SLC8A1: variants seen among roughly 807,000 people sequenced by gnomAD.
SLC8A1 encodes the protein sodium/calcium exchanger 1.
Under a neutral mutation model 68.3 loss-of-function variants are expected in SLC8A1, and 18 were observed. That is an observed-to-expected ratio of 0.26 (90% CI 0.18 to 0.39). The LOEUF is 0.39. SLC8A1 is among the 10% of genes least tolerant of loss of function. SLC8A1 has a pLI of 1.00. For missense variants in SLC8A1, 985 were observed against 1,156.7 expected, an observed-to-expected ratio of 0.85 and a Z score of 2.15; for synonymous variants, 475 against 415.5, an observed-to-expected ratio of 1.14 and a Z score of -1.74.
chr2:40,460,495 T>C (rs1703276703), intron 1 of SLC8A1, among the ~76,000 whole-genome samples: 1 of 152,128 alleles, frequency 6.6e-6, no homozygotes, highest in Non-Finnish European at 1.5e-5. Context: ...CTAAGTTCTG[T>C]GGTGATTAAA....
chr2:40,451,784 C>CACAA (rs1266614406), intron 1 of SLC8A1, 120 bp downstream of exon 1: 25 of 144,956 alleles, frequency 1.7e-4, no homozygotes, highest in African/African-American at 6.7e-4. Flanking sequence ...CACACACACA[C>CACAA]AAATTTAGAA....
intron 2 of SLC8A1, among the ~76,000 whole-genome samples, chr2:40,224,880 T>C (rs1020394013): frequency 1.5e-4 from 23 of 152,126 alleles, no homozygotes; most frequent in African/African-American, 5.3e-4. Context: ...GTGAAGGATA[T>C]GAACAGAAAC....
At chr2:40,410,196 G>T (rs1397530806) in intron 2 of SLC8A1, among the ~76,000 whole-genome samples, 1 of 151,994 alleles carries the variant, frequency 6.6e-6, no homozygotes, top group Non-Finnish European at 1.5e-5. Flanking sequence ...GATTATTATA[G>T]TACCCCTCCG....
intron 1 of SLC8A1, among the ~76,000 whole-genome samples, chr2:40,466,662 G>A (rs971877800): frequency 2.0e-5 from 3 of 152,088 alleles, no homozygotes; most frequent in Non-Finnish European, 4.4e-5. Context: ...CAGGAAATAT[G>A]ATTCTTTACC....
chr2:40,236,803 C>CA (rs968951283), intron 2 of SLC8A1, among the ~76,000 whole-genome samples: 5 of 151,002 alleles, frequency 3.3e-5, no homozygotes, highest in African/African-American at 1.2e-4. Context: ...CTGGTGGTGA[C>CA]AAAATCTCTC....
At chr2:40,307,085 G>A (rs2072767713) in intron 2 of SLC8A1, among the ~76,000 whole-genome samples, 2 of 151,654 alleles carry the variant, frequency 1.3e-5, no homozygotes, top group African/African-American at 4.8e-5. Context: ...TAGCCAAGAG[G>A]TGAAAGCAAA....
At chr2:40,131,891 T>A (rs2039446269) in intron 7 of SLC8A1, among the ~76,000 whole-genome samples, 1 of 122,600 alleles carries the variant, frequency 8.2e-6, no homozygotes, top group Admixed American at 9.8e-5. Flanking sequence ...TTTTGCCAGC[T>A]GGGTCAGAAC....
intron 1 of SLC8A1, among the ~76,000 whole-genome samples, chr2:40,503,853 C>A (rs953539007): frequency 2.1e-4 from 32 of 151,794 alleles, no homozygotes; most frequent in Non-Finnish European, 4.3e-4. Flanking sequence ...ATTGGAAGAA[C>A]CAATATTGTT....
intron 2 of SLC8A1, chr2:40,195,996 A>C (rs1472991168): frequency 6.6e-6 from 1 of 151,454 alleles, no homozygotes; most frequent in Non-Finnish European, 1.5e-5. Flanking sequence ...AGTTACAGGA[A>C]GGCTGAGAAA....
intron 2 of SLC8A1, among the ~76,000 whole-genome samples, chr2:40,418,450 C>A (rs1694518136): frequency 6.6e-6 from 1 of 152,136 alleles, no homozygotes. Context: ...TCTCAGTAAT[C>A]CGTCTGGCCT....
chr2:40,351,207 G>C (rs1342784307), intron 2 of SLC8A1, among the ~76,000 whole-genome samples: 1 of 152,112 alleles, frequency 6.6e-6, no homozygotes, highest in Non-Finnish European at 1.5e-5. Flanking sequence ...CAGCGACTGA[G>C]TGTGAATTTT....
chr2:40,185,854 G>C (rs2148617128), intron 2 of SLC8A1, among the ~76,000 whole-genome samples: 1 of 152,292 alleles, frequency 6.6e-6, no homozygotes, highest in South Asian at 2.1e-4. Context: ...AAGGTTGTCA[G>C]AATGTTTGGA....
intron 2 of SLC8A1, among the ~76,000 whole-genome samples, chr2:40,340,924 C>T (rs573999965): frequency 3.3e-5 from 5 of 152,190 alleles, no homozygotes; most frequent in Admixed American, 2.0e-4. Context: ...TTGATTCCTA[C>T]ACAAATATAC....
intron 2 of SLC8A1, chr2:40,209,831 C>G (rs903276510): frequency 2.0e-5 from 3 of 152,394 alleles, no homozygotes; most frequent in Non-Finnish European, 4.4e-5. Flanking sequence ...AGGGGAGGCA[C>G]TGGACATCTG....
intron 2 of SLC8A1, among the ~76,000 whole-genome samples, chr2:40,338,112 TCC>T (rs1575519278): frequency 6.6e-6 from 1 of 152,094 alleles, no homozygotes; most frequent in East Asian, 1.9e-4. Flanking sequence ...CTCCCTCTTC[TCC>T]CTCTCCCTCT....
chr2:40,336,389 G>C (rs1479127227), intron 2 of SLC8A1, among the ~76,000 whole-genome samples: 3 of 152,132 alleles, frequency 2.0e-5, no homozygotes, highest in African/African-American at 4.8e-5. Flanking sequence ...GGCCTCTCTT[G>C]TCTGCAATTC....
chr2:40,193,594 T>G (rs1346744004), intron 2 of SLC8A1, among the ~76,000 whole-genome samples: 1 of 151,944 alleles, frequency 6.6e-6, no homozygotes, highest in Non-Finnish European at 1.5e-5. Flanking sequence ...TGATGGGAGG[T>G]GAGTCAAGAA....
At chr2:40,340,294 C>G (rs975138951) in intron 2 of SLC8A1, among the ~76,000 whole-genome samples, 7 of 152,158 alleles carry the variant, frequency 4.6e-5, no homozygotes, top group African/African-American at 1.7e-4. Flanking sequence ...GGTGCGGTGG[C>G]TCATGCCTGT....
chr2:40,166,805 C>T (rs1342671049), intron 4 of SLC8A1, among the ~76,000 whole-genome samples: 1 of 152,198 alleles, frequency 6.6e-6, no homozygotes, highest in African/African-American at 2.4e-5. Context: ...TTTATGCTAG[C>T]ATCTTTGTTT....
Sources: allele counts gnomAD v4.1 joint callset (sites outside exome capture counted in the v4.1 genomes callset), GRCh38; gene constraint gnomAD v4.1.1; transcripts MANE v1.5; gene names NCBI Gene and HGNC (gene_info 2026-07-23, HGNC 2026-07-21).